ARHGAP29: variants seen among roughly 807,000 people sequenced by gnomAD.
The protein encoded by ARHGAP29 is Rho GTPase activating protein 29, also known as rho GTPase-activating protein 29.
Under a neutral mutation model 122.6 loss-of-function variants are expected in ARHGAP29, and 43 were observed. The observed-to-expected ratio is 0.35, with a 90% CI of 0.27 to 0.45. The LOEUF is 0.45. Among genes scored for constraint, ARHGAP29 ranks in the 20% least tolerant of loss-of-function variants. The pLI, the probability that ARHGAP29 is intolerant of heterozygous loss-of-function variation, is 1.00. For missense variants in ARHGAP29, 1,303 were observed against 1,477.2 expected, an observed-to-expected ratio of 0.88 and a Z score of 1.93; for synonymous variants, 506 against 497.1, an observed-to-expected ratio of 1.02 and a Z score of -0.24.
intron 11 of ARHGAP29, 35 bp from the exon 12 acceptor site, chr1:94,201,892 G>A: frequency 6.7e-7 from 1 of 1,488,112 alleles, no homozygotes; most frequent in Non-Finnish European, 9.0e-7. Context: ...AATAACACTA[G>A]AATTTATATT....
rs371957951 is a variant in ARHGAP29, at chr1:94,248,788, G to T, written c.-32-17145C>A. Among the ~76,000 whole-genome samples, 23 of 152,318 alleles carry T rather than the reference G, an allele frequency of 1.5e-4. No individual in the cohort carries two copies. In the East Asian group the frequency reaches 4.2e-3, roughly 28 times the overall value. On this transcript the variant is annotated intron_variant and NMD_transcript_variant, in intron 1 of 25. Coordinates refer to the ARHGAP29 transcript ENST00000552844. ...CACAGTCATAGCTCACTGAAGCCTT[G>T]AACTCCTGGACTAAAGGAATACTCC...
intron 1 of ARHGAP29, among the ~76,000 whole-genome samples, chr1:94,243,236 ACAG>A (rs35732598): frequency 0.88 from 134,035 of 151,750 alleles, 59,406 homozygotes; most frequent in Non-Finnish European, 0.92. Flanking sequence ...CCACCAAAAA[ACAG>A]CAGAATATGC....
intron 21 of ARHGAP29, 47 bp downstream of exon 21, chr1:94,177,805 A>G (rs1649198924): frequency 6.4e-7 from 1 of 1,554,498 alleles, no homozygotes; most frequent in Non-Finnish European, 8.7e-7. Context: ...ACTTATTAAC[A>G]TAAATATTAC....
chr1:94,311,163 G>T, the ARHGAP29 span, among the ~76,000 whole-genome samples: 2 of 152,142 alleles, frequency 1.3e-5, no homozygotes, highest in Non-Finnish European at 2.9e-5. Flanking sequence ...GGTCTGGGAG[G>T]GTTCACTGAA....
upstream of ARHGAP29, among the ~76,000 whole-genome samples, chr1:94,277,149 T>C (rs1655221256): frequency 1.3e-5 from 2 of 152,204 alleles, no homozygotes; most frequent in Admixed American, 1.3e-4. Flanking sequence ...CTTTTTCATT[T>C]TACTTTGGAA....
At chr1:94,175,682 T>C (rs1170633098) in intron 22 of ARHGAP29, among the ~76,000 whole-genome samples, 3 of 152,046 alleles carry the variant, frequency 2.0e-5, no homozygotes, top group Non-Finnish European at 4.4e-5. Context: ...CTTCCCTGGG[T>C]TCCAAGGCTC....
the ARHGAP29 span, chr1:94,302,504 C>G: frequency 2.9e-6 from 1 of 347,236 alleles, no homozygotes; most frequent in Non-Finnish European, 5.6e-6. Context: ...TGGCCAAGGT[C>G]ATCCATAATA....
intron 15 of ARHGAP29, 21 bp downstream of exon 15, chr1:94,188,816 C>T: frequency 6.3e-7 from 1 of 1,584,004 alleles, no homozygotes; most frequent in Admixed American, 1.8e-5. Context: ...TTTTCATTGC[C>T]AGACTTAAAT....
chr1:94,290,209 C>T, the ARHGAP29 span, among the ~76,000 whole-genome samples: 26 of 151,702 alleles, frequency 1.7e-4, no homozygotes, highest in Non-Finnish European at 3.0e-4. Context: ...CAGGTCTATT[C>T]GGGTCTATTC....
rs1427893982 is a variant in ARHGAP29, at chr1:94,203,970, A to T, written c.722T>A (p.Val241Asp). 1 of 1,613,884 alleles carries T rather than the reference A, an allele frequency of 6.2e-7. No homozygotes were observed. Among genetic ancestry groups the T allele is most frequent in the East Asian group, 2.2e-5 (1 of 44,832 alleles). ...NLELESTRNM[V>D]KLAEATRTNI... is the part of the protein sequence containing the mutation. ...AGTTCTAGTTGCCTCTGCCAACTTG[A>T]CCATATTTCTAGTGGACTCCAATTC... The change falls in exon 8 of 23, where the codon GTC becomes GAC. Residue 241 changes from valine to aspartate, a missense_variant. Val to Asp is a radical substitution (Grantham distance 152). Coordinates refer to ENST00000260526, the MANE Select transcript of ARHGAP29 (RefSeq NM_004815.4).
chr1:94,222,109 T>C (rs895543759), intron 2 of ARHGAP29, among the ~76,000 whole-genome samples: 1 of 152,134 alleles, frequency 6.6e-6, no homozygotes, highest in African/African-American at 2.4e-5. Context: ...TAAAGTAGTA[T>C]TGGATTATAA....
chr1:94,205,792 T>G, intron 5 of ARHGAP29, 109 bp from the exon 6 acceptor site: 1 of 929,804 alleles, frequency 1.1e-6, no homozygotes. Flanking sequence ...GCTAAAGAAT[T>G]TCAAGTATTT....
At chr1:94,180,583 A>G (rs542170339) in intron 19 of ARHGAP29, among the ~76,000 whole-genome samples, 73 of 152,134 alleles carry the variant, frequency 4.8e-4, no homozygotes, top group Admixed American at 2.4e-3. Context: ...CTGATGTCCT[A>G]TTTTATCTGT....
chr1:94,198,174 TA>T (rs1338182760), intron 12 of ARHGAP29, among the ~76,000 whole-genome samples: 1 of 138,886 alleles, frequency 7.2e-6, no homozygotes, highest in Admixed American at 7.6e-5. Flanking sequence ...AGTATATTTC[TA>T]AATATTAACA....
In ARHGAP29 at chr1:94,232,978, G is replaced by A. The variant is rs367891746; in HGVS notation, c.-32-1335C>T. Among the ~76,000 whole-genome samples, 27 of 148,698 alleles carry A rather than the reference G, an allele frequency of 1.8e-4. No individual in the cohort carries two copies. In the South Asian group the frequency reaches 3.4e-3, roughly 19 times the overall value. On this transcript the variant is annotated intron_variant, in intron 1 of 22. Transcript: ENST00000260526. The stretch of plus-strand genomic sequence containing the variant: ...GGGAAGGGTTGAGTCTGGGTCTCAC[G>A]CTATCACCCAGGTTGGAGTGCAGTG...
rs375081268 is a variant in ARHGAP29 at position 94,231,636 on chromosome 1, C to T, written c.-25G>A. The T allele has an allele frequency of 7.2e-5, 115 of 1,606,834 alleles. No individual in the cohort carries two copies. The highest frequency in any genetic ancestry group is 9.5e-5 in the Non-Finnish European group (112 of 1,177,440). ...TCCTTTCATGTAACAGTCAGAAAAA[C>T]TGAAATCCTTAAGGGGGCAAGAAAC... is the stretch of plus-strand genomic sequence containing the variant. On this transcript the variant is annotated 5_prime_UTR_variant, in exon 2 of 23. Coordinates refer to ENST00000260526, the MANE Select transcript of ARHGAP29 (RefSeq NM_004815.4).
chr1:94,173,852 C>A lies in ARHGAP29; in HGVS notation c.*17G>T. ...AATAACACAACAACAACAAAAAAAC[C>A]CTGAAATTTGACATCCCTACACAAA... On this transcript the variant is annotated 3_prime_UTR_variant, in exon 23 of 23. Transcript: ENST00000260526. 6.4e-7 allele frequency: 1 copy of A among 1,568,700 alleles called. No individual in the cohort carries two copies.
At chr1:94,223,600 TATAC>T (rs1038808963) in intron 2 of ARHGAP29, among the ~76,000 whole-genome samples, 3 of 152,056 alleles carry the variant, frequency 2.0e-5, no homozygotes, top group African/African-American at 7.2e-5. Flanking sequence ...AAAAACTATA[TATAC>T]ATACATACAT....
At chr1:94,262,511 G>C (rs947739902) in intron 1 of ARHGAP29, among the ~76,000 whole-genome samples, 1 of 152,044 alleles carries the variant, frequency 6.6e-6, no homozygotes, top group Non-Finnish European at 1.5e-5. Context: ...ATCTGACAAA[G>C]GTCTGATATC....
Sources: allele counts gnomAD v4.1 joint callset (sites outside exome capture counted in the v4.1 genomes callset), GRCh38; gene constraint gnomAD v4.1.1; transcripts MANE v1.5; gene names NCBI Gene and HGNC (gene_info 2026-07-23, HGNC 2026-07-21).